CCDC171: variants seen among roughly 807,000 people sequenced by gnomAD.
CCDC171 encodes the protein coiled-coil domain-containing protein 171.
CCDC171 carries 177 observed loss-of-function variants against 168.2 expected under a neutral mutation model. That is an observed-to-expected ratio of 1.05 (90% CI 0.93 to 1.19). The LOEUF (loss-of-function observed/expected upper bound fraction) is 1.19, where lower values mean the gene tolerates loss of function less well. Among genes scored for constraint, CCDC171 ranks in the 50% most tolerant of loss-of-function variants. The pLI is 0.00. For synonymous variants in CCDC171, 687 were observed against 540.8 expected (o/e 1.27, Z -3.75); for missense variants, 1,991 against 1,539.0 (o/e 1.29, Z -4.91).
intron 7 of CCDC171, among the ~76,000 whole-genome samples, chr9:15,644,656 G>C (rs1248807980): frequency 6.6e-6 from 1 of 152,242 alleles, no homozygotes. Context: ...TAGCACAGCA[G>C]TCTGAGATCC....
rs967061614 is a variant in CCDC171 at position 15,792,920 on chromosome 9, G to GA, written c.3267+8227dup. ...CTAGGAAGAAACTGCATCAACTAAT[G>GA]AGCAAAATAACCAGCTAACATCATA... On this transcript the variant is annotated intron_variant, in intron 21 of 25. Coordinates refer to ENST00000380701, the MANE Select transcript of CCDC171 (RefSeq NM_173550.4). Among the ~76,000 whole-genome samples the GA allele has an allele frequency of 7.4e-4, 113 of 152,174 alleles. 1 individual carries two copies. The highest frequency in any genetic ancestry group is 2.5e-3 in the African/African-American group (104 of 41,496).
chr9:16,099,757 G>A, the CCDC171 span, among the ~76,000 whole-genome samples: 1 of 152,154 alleles, frequency 6.6e-6, no homozygotes, highest in Non-Finnish European at 1.5e-5. Flanking sequence ...GCACAACAAA[G>A]TCATTTAACA....
Position 15,678,895 on chromosome 9 carries a change from T to C in CCDC171, c.1214T>C (p.Met405Thr). The C allele has an allele frequency of 6.3e-7, 1 of 1,576,890 alleles. No individual in the cohort carries two copies. The highest frequency in any genetic ancestry group is 8.6e-7 in the Non-Finnish European group (1 of 1,166,932). Residue 405 changes from methionine (M) to threonine (T), a missense_variant and splice_region_variant, in exon 10 of 26, where the codon ATG becomes ACG. Coordinates refer to ENST00000380701, the MANE Select transcript of CCDC171 (RefSeq NM_173550.4). ...SCSELQEELV[M>T]AKKHQAFLVE... Reference sequence around the variant, plus strand: ...AGTGAATTACAGGAAGAACTAGTAATGGTAAGGATAAAAAAGAAAACCCTA... The same window carrying C: ...AGTGAATTACAGGAAGAACTAGTAACGGTAAGGATAAAAAAGAAAACCCTA...
chr9:15,761,646 A>T (rs1332260696), intron 18 of CCDC171, among the ~76,000 whole-genome samples: 1 of 152,096 alleles, frequency 6.6e-6, no homozygotes, highest in Non-Finnish European at 1.5e-5. Flanking sequence ...TATTTAAAAA[A>T]AATTTTTTGT....
chr9:15,713,050 T>C (rs2052794547), intron 11 of CCDC171, among the ~76,000 whole-genome samples: 1 of 152,228 alleles, frequency 6.6e-6, no homozygotes. Context: ...TTACCAATTT[T>C]CTATTCACAT....
At chr9:15,853,936 C>T (rs1310296629) in intron 23 of CCDC171, among the ~76,000 whole-genome samples, 1 of 150,480 alleles carries the variant, frequency 6.6e-6, no homozygotes, top group Non-Finnish European at 1.5e-5. Context: ...CCATTGTGTT[C>T]CTGAGATAAA....
chr9:15,800,644 T>C (rs898479587), intron 21 of CCDC171, among the ~76,000 whole-genome samples: 2 of 152,118 alleles, frequency 1.3e-5, no homozygotes, highest in Non-Finnish European at 2.9e-5. Flanking sequence ...ATTTTTTCTT[T>C]GGTTATCTGT....
chr9:15,651,315 G>A (rs1024456032), intron 7 of CCDC171, among the ~76,000 whole-genome samples: 6 of 152,042 alleles, frequency 3.9e-5, no homozygotes, highest in Non-Finnish European at 8.8e-5. Context: ...TGCCATGTTG[G>A]CCAGCCTGGT....
intron 2 of CCDC171, among the ~76,000 whole-genome samples, chr9:15,569,838 C>CAAAAAACA (rs373129900): frequency 1.9e-4 from 12 of 63,554 alleles, no homozygotes; most frequent in African/African-American, 4.5e-4. Flanking sequence ...AAACAAAAAA[C>CAAAAAACA]AAACAAACAA....
intron 24 of CCDC171, among the ~76,000 whole-genome samples, chr9:15,876,970 CT>C (rs1320958894): frequency 1.1e-4 from 16 of 152,048 alleles, no homozygotes; most frequent in Non-Finnish European, 1.8e-4. Context: ...CTGAAGTTTT[CT>C]GTCTTTTTCA....
chr9:15,797,356 A>C (rs925802616), intron 21 of CCDC171, among the ~76,000 whole-genome samples: 4 of 152,112 alleles, frequency 2.6e-5, no homozygotes, highest in African/African-American at 9.7e-5. Context: ...AGCTAGGACT[A>C]CAGGCGCATG....
intron 25 of CCDC171, among the ~76,000 whole-genome samples, chr9:15,961,900 G>T (rs1830372559): frequency 6.6e-6 from 1 of 152,114 alleles, no homozygotes; most frequent in African/African-American, 2.4e-5. Flanking sequence ...ATGTAATTTT[G>T]TGTACCGTTT....
At chr9:15,939,742 AATAAAT>A (rs1377127545) in intron 25 of CCDC171, among the ~76,000 whole-genome samples, 2 of 152,020 alleles carry the variant, frequency 1.3e-5, no homozygotes, top group Admixed American at 1.3e-4. Flanking sequence ...GATTTCATGT[AATAAAT>A]GCATTCTGCT....
chr9:15,967,581 A>G (rs1224268744), intron 25 of CCDC171, among the ~76,000 whole-genome samples: 1 of 152,194 alleles, frequency 6.6e-6, no homozygotes, highest in Non-Finnish European at 1.5e-5. Context: ...ATTCTGTCAC[A>G]CGTGGAATTA....
rs543154858 is a variant in CCDC171, at chr9:15,760,635, C to A, written c.2671+15004C>A. 1.4e-3 allele frequency among the ~76,000 whole-genome samples: 207 copies of A among 152,198 alleles called. 1 individual carries two copies. The highest frequency in any genetic ancestry group is 4.9e-3 in the African/African-American group (202 of 41,540). On this transcript the variant is annotated intron_variant, in intron 18 of 25. Coordinates refer to ENST00000380701, the MANE Select transcript of CCDC171 (RefSeq NM_173550.4). ...CCTGTAAATATTCATTGTTTTATTT[C>A]TTTCTTGTGCACTGATGTCTTAATG...
chr9:15,836,267 C>A (rs2060445205), intron 21 of CCDC171, among the ~76,000 whole-genome samples: 2 of 152,188 alleles, frequency 1.3e-5, no homozygotes. Flanking sequence ...CATGGGTCAG[C>A]TGTGTGCTTC....
intron 9 of CCDC171, among the ~76,000 whole-genome samples, chr9:15,677,925 T>TATATATATATATATATATATA (rs59883669): frequency 7.2e-5 from 3 of 41,868 alleles, no homozygotes; most frequent in African/African-American, 1.0e-4. Context: ...TATATATATA[T>TATATATATATATATATATATA]AAGAGATGTG....
chr9:15,714,222 G>A (rs993125183), intron 11 of CCDC171, among the ~76,000 whole-genome samples: 1 of 152,144 alleles, frequency 6.6e-6, no homozygotes, highest in Non-Finnish European at 1.5e-5. Context: ...CTTGCCAGGA[G>A]TGTGGCATTA....
intron 11 of CCDC171, among the ~76,000 whole-genome samples, chr9:15,706,997 A>C (rs2052295768): frequency 6.6e-6 from 1 of 152,188 alleles, no homozygotes; most frequent in Non-Finnish European, 1.5e-5. Flanking sequence ...TTCATAAAGG[A>C]ATATTGCCTA....
Sources: allele counts gnomAD v4.1 joint callset (sites outside exome capture counted in the v4.1 genomes callset), GRCh38; gene constraint gnomAD v4.1.1; transcripts MANE v1.5; gene names NCBI Gene and HGNC (gene_info 2026-07-23, HGNC 2026-07-21).